Variants in STK33 observed in about 807,000 individuals in gnomAD.
STK33 encodes serine/threonine-protein kinase 33.
Under a neutral mutation model 58.0 loss-of-function variants are expected in STK33, and 52 were observed. The observed-to-expected ratio is 0.90, with a 90% CI of 0.72 to 1.13. The LOEUF (loss-of-function observed/expected upper bound fraction) is 1.13, where lower values mean the gene tolerates loss of function less well. STK33 is among the 50% of genes most tolerant of loss of function. The probability of loss-of-function intolerance (pLI) is 0.00; values close to 1 mark genes in which losing one functional copy is unlikely to be tolerated. For synonymous variants in STK33, 215 were observed against 200.1 expected (o/e 1.07, Z -0.63); for missense variants, 630 against 604.2 (o/e 1.04, Z -0.45).
At chr11:8,463,061 TCCAATTA>T (rs772176220) in intron 7 of STK33, among the ~76,000 whole-genome samples, 3 of 152,116 alleles carry the variant, frequency 2.0e-5, no homozygotes, top group Admixed American at 6.5e-5. Context: ...CATTCCAGCT[TCCAATTA>T]CCTTTGCTCC....
chr11:8,493,107 C>G (rs1950762351), intron 1 of STK33, among the ~76,000 whole-genome samples: 1 of 151,976 alleles, frequency 6.6e-6, no homozygotes, highest in Non-Finnish European at 1.5e-5. Context: ...CAGAGCAGAA[C>G]TGAAGGAGAT....
intron 1 of STK33, among the ~76,000 whole-genome samples, chr11:8,494,286 C>T (rs1950874658): frequency 6.6e-6 from 1 of 152,192 alleles, no homozygotes; most frequent in Non-Finnish European, 1.5e-5. Context: ...AAATCACAAA[C>T]ATTCCTATAC....
At chr11:8,530,596 G>A (rs1211249667) in intron 1 of STK33, among the ~76,000 whole-genome samples, 1 of 152,018 alleles carries the variant, frequency 6.6e-6, no homozygotes, top group Non-Finnish European at 1.5e-5. Context: ...AGACAAGGAA[G>A]AGGAAAATGT....
At chr11:8,444,798 CA>C (rs1564991465) in intron 11 of STK33, among the ~76,000 whole-genome samples, 4 of 151,858 alleles carry the variant, frequency 2.6e-5, no homozygotes, top group Non-Finnish European at 4.4e-5. Context: ...ACTTTATCCC[CA>C]AAAAAGCAGC....
At chr11:8,354,511 CACA>C in the STK33 span, among the ~76,000 whole-genome samples, 2 of 143,792 alleles carry the variant, frequency 1.4e-5, no homozygotes, top group Admixed American at 6.8e-5. Flanking sequence ...CACACACACA[CACA>C]CACCCCTCAG....
intron 1 of STK33, among the ~76,000 whole-genome samples, chr11:8,549,120 G>C (rs1490059317): frequency 6.6e-6 from 1 of 152,062 alleles, no homozygotes; most frequent in African/African-American, 2.4e-5. Flanking sequence ...GTCATATATG[G>C]TCTTTATTGA....
chr11:8,399,677 G>A (rs1850032464), intron 15 of STK33, among the ~76,000 whole-genome samples: 1 of 152,132 alleles, frequency 6.6e-6, no homozygotes, highest in Non-Finnish European at 1.5e-5. Context: ...AATGAATCCA[G>A]GAGCTGGTTT....
intron 1 of STK33, among the ~76,000 whole-genome samples, chr11:8,576,491 T>C (rs1958194277): frequency 1.3e-5 from 2 of 152,242 alleles, no homozygotes; most frequent in South Asian, 4.1e-4. Context: ...AATGTATTAC[T>C]ATCTATCTGG....
At chr11:8,592,110 A>G (rs2032704688) in intron 1 of STK33, among the ~76,000 whole-genome samples, 1 of 152,136 alleles carries the variant, frequency 6.6e-6, no homozygotes, top group East Asian at 1.9e-4. Flanking sequence ...ACAAGCAATC[A>G]GCCCAGTCTT....
the STK33 span, among the ~76,000 whole-genome samples, chr11:8,335,029 T>C: frequency 1.3e-5 from 2 of 152,202 alleles, no homozygotes; most frequent in Admixed American, 1.3e-4. Context: ...GAGAAATCCA[T>C]GCTGTGGCAG....
rs1180658739 is a variant in STK33, at chr11:8,392,405, A to G, written c.*105T>C. The G allele has an allele frequency of 1.5e-6, 2 of 1,316,714 alleles. No homozygotes were observed. Among genetic ancestry groups the G allele is most frequent in the Admixed American group, 4.1e-5 (2 of 48,262 alleles). 81.6% of individuals were successfully genotyped at this position (1,316,714 alleles called of 1,614,324 possible). ...CATGGCGGGGCTCTGTGGAGCTAAAAGGCTACAAGCTCAGCATAGGGCTGT... is the reference window on the plus strand; with the variant it reads ...CATGGCGGGGCTCTGTGGAGCTAAAGGGCTACAAGCTCAGCATAGGGCTGT... On this transcript the variant is annotated 3_prime_UTR_variant, in exon 16 of 16. Transcript: ENST00000687296.
chr11:8,442,022 C>A (rs923536932), intron 11 of STK33, among the ~76,000 whole-genome samples: 2 of 123,406 alleles, frequency 1.6e-5, no homozygotes, highest in African/African-American at 6.5e-5. Context: ...CCTACACATA[C>A]CTACACCTAC....
intron 11 of STK33, among the ~76,000 whole-genome samples, chr11:8,451,651 G>C (rs1946293334): frequency 6.6e-6 from 1 of 152,182 alleles, no homozygotes; most frequent in Admixed American, 6.5e-5. Context: ...TTTTGGAGTA[G>C]ATTTGTTTTG....
chr11:8,444,958 G>A (rs1349174473), intron 11 of STK33, among the ~76,000 whole-genome samples: 4 of 152,046 alleles, frequency 2.6e-5, no homozygotes, highest in East Asian at 1.9e-4. Flanking sequence ...GGGATAGCAC[G>A]AAATCTATAA....
At chr11:8,360,107 C>T in the STK33 span, among the ~76,000 whole-genome samples, 1 of 152,272 alleles carries the variant, frequency 6.6e-6, no homozygotes, top group Non-Finnish European at 1.5e-5. Context: ...CAGTCTGTTC[C>T]TGGCTGCTGC....
Position 8,580,147 on chromosome 11 carries a change from G to A in STK33, c.-466+13936C>T, listed in dbSNP as rs951531471. Among the ~76,000 whole-genome samples, 50 of 152,168 alleles carry A rather than the reference G, an allele frequency of 3.3e-4. 1 individual carries two copies. The highest frequency in any genetic ancestry group is 1.2e-3 in the African/African-American group (48 of 41,530). On this transcript the variant is annotated intron_variant, in intron 1 of 15. Transcript: ENST00000687296. Reference sequence around the variant, plus strand: ...CACAAAAGAAAGGAAATCAGTATATGGAAGAAATATTTGCAATCCCATGTT... The same window carrying A: ...CACAAAAGAAAGGAAATCAGTATATAGAAGAAATATTTGCAATCCCATGTT...
At chr11:8,445,516 G>A (rs940241212) in intron 11 of STK33, among the ~76,000 whole-genome samples, 1 of 152,090 alleles carries the variant, frequency 6.6e-6, no homozygotes, top group African/African-American at 2.4e-5. Flanking sequence ...CGCTGTTGGT[G>A]TGTCATAAAT....
At chr11:8,367,961 T>C in the STK33 span, among the ~76,000 whole-genome samples, 1 of 152,168 alleles carries the variant, frequency 6.6e-6, no homozygotes, top group Middle Eastern at 3.4e-3. Flanking sequence ...GGGCCAGAGC[T>C]CTGGCTCAGC....
At chr11:8,428,820 T>A (rs1394232435) in intron 14 of STK33, among the ~76,000 whole-genome samples, 1 of 152,182 alleles carries the variant, frequency 6.6e-6, no homozygotes, top group Non-Finnish European at 1.5e-5. Context: ...GATACTGTTA[T>A]GTTTAGTAAT....
Sources: allele counts gnomAD v4.1 joint callset (sites outside exome capture counted in the v4.1 genomes callset), GRCh38; gene constraint gnomAD v4.1.1; transcripts MANE v1.5; gene names NCBI Gene and HGNC (gene_info 2026-07-23, HGNC 2026-07-21).